FPR3: variants seen among roughly 807,000 people sequenced by gnomAD.
The protein encoded by FPR3 is formyl peptide receptor 3.
For missense variants in FPR3, 346 were observed against 443.2 expected (o/e 0.78, Z 1.97); for synonymous variants, 135 against 163.6 (o/e 0.83, Z 1.34).
At chr19:51,800,466 G>T (rs2084021643) in intron 1 of FPR3, among the ~76,000 whole-genome samples, 1 of 152,226 alleles carries the variant, frequency 6.6e-6, no homozygotes, top group South Asian at 2.1e-4. Flanking sequence ...GCCTGGGTGG[G>T]AGAGGTCTGG....
chr19:51,819,175 C>A (rs1295658198), intron 1 of FPR3, among the ~76,000 whole-genome samples: 6 of 152,030 alleles, frequency 3.9e-5, no homozygotes, highest in Non-Finnish European at 1.5e-5. Flanking sequence ...GGAAGAATGG[C>A]AGGTTTGGGA....
At position 51,824,398 on chromosome 19, in the gene FPR3, T is replaced by A; in HGVS notation, c.650T>A (p.Ile217Asn). 6.2e-7 allele frequency: 1 copy of A among 1,614,160 alleles called. No individual in the cohort carries two copies. Among genetic ancestry groups the A allele is most frequent in the South Asian group, 1.1e-5 (1 of 91,084 alleles). ...GGCTTCAGCGTGCCTATGTCCATCA[T>A]CACAGTCTGCTATGGGATCATCGCT... ...IIGFSVPMSI[I>N]TVCYGIIAAK... The change falls in exon 2 of 2, where the codon ATC becomes AAC. Residue 217 changes from isoleucine (I) to asparagine (N), a missense_variant. Transcript: ENST00000339223. The surrounding 1 kb of genome is among the most constrained non-coding windows in gnomAD (Gnocchi z 4.7).
At chr19:51,805,578 C>T (rs1172112277) in intron 1 of FPR3, among the ~76,000 whole-genome samples, 2 of 152,158 alleles carry the variant, frequency 1.3e-5, no homozygotes, top group East Asian at 1.9e-4. Context: ...GCGCAATTGC[C>T]GCTGCAACTG....
In FPR3 at chr19:51,824,819, A is replaced by G. The variant is rs1402539234; in HGVS notation, c.*9A>G. On this transcript the variant is annotated 3_prime_UTR_variant, in exon 2 of 2. Transcript: ENST00000339223. The surrounding 1 kb of genome is among the most constrained non-coding windows in gnomAD (Gnocchi z 4.7). ...AGTTACAAGCAATGTGAGGTCGGGG[A>G]TATTTTTGGGCTCTGTCTCTTTCTA... The G allele has an allele frequency of 6.3e-6, 10 of 1,595,324 alleles. No homozygotes were observed. Among genetic ancestry groups the G allele is most frequent in the East Asian group, 2.3e-5 (1 of 44,294 alleles).
intron 1 of FPR3, among the ~76,000 whole-genome samples, chr19:51,800,732 GACTA>G (rs775470279): frequency 2.0e-5 from 3 of 152,110 alleles, no homozygotes; most frequent in Non-Finnish European, 2.9e-5. Flanking sequence ...GTGCAGTTTG[GACTA>G]ACTCTCAATA....
chr19:51,799,664 T>G (rs1180164359), intron 1 of FPR3, among the ~76,000 whole-genome samples: 2 of 152,214 alleles, frequency 1.3e-5, no homozygotes, highest in African/African-American at 2.4e-5. Flanking sequence ...GAAATTCCAG[T>G]GACCGTGGAC....
chr19:51,798,165 T>G (rs1184535872), intron 1 of FPR3, among the ~76,000 whole-genome samples: 2 of 152,122 alleles, frequency 1.3e-5, no homozygotes, highest in Non-Finnish European at 2.9e-5. Context: ...GAGATCTAAC[T>G]GACTCCAAAG....
chr19:51,801,279 A>G (rs902541175), intron 1 of FPR3, among the ~76,000 whole-genome samples: 2 of 152,168 alleles, frequency 1.3e-5, no homozygotes, highest in East Asian at 1.9e-4. Flanking sequence ...AATTAAATCC[A>G]TTATATATGC....
chr19:51,819,691 G>GA lies in FPR3; in HGVS notation c.-10-4039dup, dbSNP rs796735165. On this transcript the variant is annotated intron_variant, in intron 1 of 1. Transcript: ENST00000339223. ...GGATTCAGCAGAATAGGTGAGGTGA[G>GA]AAAAAAAAAGCAAGCAATTAGAGAC... 2.8e-3 allele frequency among the ~76,000 whole-genome samples: 421 copies of GA among 150,632 alleles called. 3 individuals carry two copies. The highest frequency in any genetic ancestry group is 0.014 in the Middle Eastern group (4 of 292).
intron 1 of FPR3, among the ~76,000 whole-genome samples, chr19:51,801,908 G>A (rs1164065261): frequency 3.3e-5 from 5 of 152,132 alleles, no homozygotes; most frequent in South Asian, 2.1e-4. Flanking sequence ...CTGTAGCGTC[G>A]CCTAAATTTC....
chr19:51,813,802 G>C (rs1467647613), intron 1 of FPR3, among the ~76,000 whole-genome samples: 2 of 152,142 alleles, frequency 1.3e-5, no homozygotes, highest in East Asian at 1.9e-4. Flanking sequence ...CCAAAGTGCT[G>C]GGATTACAGG....
At chr19:51,811,087 T>C (rs112383017) in intron 1 of FPR3, among the ~76,000 whole-genome samples, 8 of 149,366 alleles carry the variant, frequency 5.4e-5, no homozygotes, top group African/African-American at 1.7e-4. Flanking sequence ...TTCAGATTTT[T>C]AGATTCAGCC....
rs769949526 is a variant in FPR3, at chr19:51,824,247, A to G, written c.499A>G (p.Ile167Val). The change falls in exon 2 of 2, where the codon ATA becomes GTA. Residue 167 changes from isoleucine to valine, a missense_variant. Transcript: ENST00000339223. This position sits in a 1 kb window ranked among gnomAD's most constrained non-coding sequence, Gnocchi z 4.7. ...ACCAAATTTCATCTTCTGGACTACA[A>G]TAAGTACTACGAATGGGGACACATA... ...TLPNFIFWTT[I>V]STTNGDTYCI... 5.6e-6 allele frequency: 9 copies of G among 1,614,074 alleles called. No homozygotes were observed. Among genetic ancestry groups the G allele is most frequent in the East Asian group, 2.2e-5 (1 of 44,892 alleles).
intron 1 of FPR3, among the ~76,000 whole-genome samples, chr19:51,800,382 C>A (rs568059441): frequency 4.6e-5 from 7 of 152,328 alleles, no homozygotes; most frequent in Non-Finnish European, 7.4e-5. Flanking sequence ...ACAGCAAATG[C>A]AGGCATTTAT....
chr19:51,811,076 T>C (rs2084093443), intron 1 of FPR3, among the ~76,000 whole-genome samples: 1 of 149,808 alleles, frequency 6.7e-6, no homozygotes, highest in Non-Finnish European at 1.5e-5. Context: ...CAACAGATTC[T>C]TTCAGATTTT....
At chr19:51,821,483 G>C (rs971378563) in intron 1 of FPR3, among the ~76,000 whole-genome samples, 2 of 152,062 alleles carry the variant, frequency 1.3e-5, no homozygotes, top group Non-Finnish European at 2.9e-5. Flanking sequence ...CCACAACAAA[G>C]AATTACACAG....
At chr19:51,817,978 CTTT>C (rs142320718) in intron 1 of FPR3, 22 of 148,156 alleles carry the variant, frequency 1.5e-4, no homozygotes, top group African/African-American at 5.5e-4. Flanking sequence ...TTTTTTCAGT[CTTT>C]TTTTTTTCTT....
intron 1 of FPR3, chr19:51,811,401 C>T (rs918829074): frequency 2.0e-5 from 3 of 152,134 alleles, no homozygotes; most frequent in Admixed American, 2.0e-4. Flanking sequence ...CCCATGTTAC[C>T]GTGATTCAGA....
intron 1 of FPR3, among the ~76,000 whole-genome samples, chr19:51,818,194 A>G (rs992579254): frequency 3.9e-5 from 6 of 152,170 alleles, no homozygotes; most frequent in Non-Finnish European, 8.8e-5. Context: ...CATGTCTTCT[A>G]AGACTTAGTA....
Sources: allele counts gnomAD v4.1 joint callset (sites outside exome capture counted in the v4.1 genomes callset), GRCh38; gene constraint gnomAD v4.1.1; non-coding constraint Gnocchi (gnomAD v3.1); transcripts MANE v1.5; gene names NCBI Gene and HGNC (gene_info 2026-07-23, HGNC 2026-07-21).